Variants in C2 observed in about 807,000 individuals in gnomAD.
C2 encodes the protein C3/C5 convertase.
Under a neutral mutation model 85.2 loss-of-function variants are expected in C2, and 64 were observed. That is an observed-to-expected ratio of 0.75 (90% CI 0.61 to 0.92). The LOEUF is 0.92. Among genes scored for constraint, C2 ranks in the 40% least tolerant of loss-of-function variants. The pLI, the probability that C2 is intolerant of heterozygous loss-of-function variation, is 0.00. For synonymous variants in C2, 311 were observed against 370.8 expected, an observed-to-expected ratio of 0.84 and a Z score of 1.85; for missense variants, 820 against 971.6, an observed-to-expected ratio of 0.84 and a Z score of 2.07.
chr6:31,940,732 C>T (rs774830835), intron 9 of C2, among the ~76,000 whole-genome samples: 69 of 152,124 alleles, frequency 4.5e-4, no homozygotes, highest in Non-Finnish European at 7.6e-4. Flanking sequence ...AGGTCAAATG[C>T]TACAAAAACA....
At chr6:31,903,998 C>T (rs1351809891) in intron 1 of C2, among the ~76,000 whole-genome samples, 1 of 151,894 alleles carries the variant, frequency 6.6e-6, no homozygotes, top group Non-Finnish European at 1.5e-5. Context: ...TGAGCCTACT[C>T]TGGCTCAGAA....
chr6:31,937,150 A>T (rs1445082140), intron 7 of C2, 169 bp from the exon 8 acceptor site: 1 of 633,596 alleles, frequency 1.6e-6, no homozygotes, highest in Non-Finnish European at 2.8e-6. Context: ...TGGAGGTTGC[A>T]GTCAGCCAAG....
In C2 at chr6:31,928,843, T is replaced by A. The variant is rs781590273; in HGVS notation, c.368T>A (p.Leu123Ter). 1 of 1,614,262 alleles carries A rather than the reference T, an allele frequency of 6.2e-7. No individual in the cohort carries two copies. Among genetic ancestry groups the A allele is most frequent in the South Asian group, 1.1e-5 (1 of 91,090 alleles). ...TTCGAGTGTGAGGATGGCTTCATAT[T>A]GCGGGGCTCGCCTGTGCGTCAGTGT... ...VSFECEDGFI[L>*]RGSPVRQCRP... is the part of the protein sequence containing the mutation. The change falls in exon 3 of 18, where the codon TTG becomes TAG. Residue 123 changes from leucine to a stop codon, truncating the protein, a stop_gained. Transcript: ENST00000299367. LOFTEE classifies it high-confidence loss of function.
chr6:31,913,481 C>T (rs1768265305), intron 1 of C2, among the ~76,000 whole-genome samples: 1 of 152,234 alleles, frequency 6.6e-6, no homozygotes, highest in South Asian at 2.1e-4. Context: ...GAGGCTGAGG[C>T]ACAAGAATCA....
upstream of C2, among the ~76,000 whole-genome samples, chr6:31,923,781 A>C (rs1246694927): frequency 4.1e-5 from 5 of 121,578 alleles, no homozygotes; most frequent in Admixed American, 3.4e-4. Flanking sequence ...AAGCCACCGC[A>C]CCCGGCCTCT....
chr6:31,929,547 C>T (rs1205241082), intron 3 of C2, among the ~76,000 whole-genome samples: 6 of 151,316 alleles, frequency 4.0e-5, no homozygotes, highest in Non-Finnish European at 8.8e-5. Context: ...GGTGAAACCC[C>T]GTCTCTAGTA....
intron 3 of C2, among the ~76,000 whole-genome samples, chr6:31,933,041 G>T (rs1009312199): frequency 6.0e-4 from 92 of 152,340 alleles, no homozygotes; most frequent in African/African-American, 2.2e-3. Context: ...AGGCAGGGAG[G>T]TTGCAGTGAG....
In C2 at chr6:31,928,722, C is replaced by T. The variant is rs1401389832; in HGVS notation, c.257-10C>T. ...GTCCTATATTCCCCACCCACTTCCT[C>T]TCTCTCCAGCTGTGCGCTGTCCAGC... is the stretch of plus-strand genomic sequence containing the variant. On this transcript the variant is annotated splice_polypyrimidine_tract_variant and intron_variant, in intron 2 of 17. Coordinates refer to ENST00000299367, the MANE Select transcript of C2 (RefSeq NM_000063.6). 1.2e-6 allele frequency: 2 copies of T among 1,614,184 alleles called. No homozygotes were observed. Among genetic ancestry groups the T allele is most frequent in the Non-Finnish European group, 1.7e-6 (2 of 1,179,990 alleles).
At chr6:31,905,819 A>G (rs552880475) in intron 1 of C2, among the ~76,000 whole-genome samples, 39 of 152,050 alleles carry the variant, frequency 2.6e-4, no homozygotes, top group African/African-American at 9.4e-4. Context: ...CTTACTTTGA[A>G]AAGGGGTGTT....
chr6:31,901,281 G>A (rs1475509220), intron 1 of C2: 5 of 1,611,968 alleles, frequency 3.1e-6, no homozygotes, highest in Non-Finnish European at 8.5e-7. Context: ...AGCTGGAAGC[G>A]CAGGACTTCC....
rs1205958641 is a variant in C2 at position 31,943,319 on chromosome 6, G to C, written c.1455G>C (p.Lys485Asn). ...GGACACCCTGGCATGTCACTATTAAGGTACCAGGAAGGAGGGGCAGGGCTT... is the reference window on the plus strand; with the variant it reads ...GGACACCCTGGCATGTCACTATTAACGTACCAGGAAGGAGGGGCAGGGCTT... ...QERTPWHVTI[K>N]PKSQETCRGA... The change falls in exon 11 of 18, where the codon AAG becomes AAC. Residue 485 changes from lysine to asparagine, a missense_variant and splice_region_variant. Coordinates refer to ENST00000299367, the MANE Select transcript of C2 (RefSeq NM_000063.6). The surrounding 1 kb of genome is among the most constrained non-coding windows in gnomAD (Gnocchi z 6.4). 6.2e-7 allele frequency: 1 copy of C among 1,612,700 alleles called. No homozygotes were observed. Among genetic ancestry groups the C allele is most frequent in the Non-Finnish European group, 8.5e-7 (1 of 1,179,654 alleles).
Position 31,927,751 on chromosome 6 carries a change from C to T in C2, c.-2C>T. ...CCTCTCGCCGCCCCTAGGGAGGACA[C>T]CATGGGCCCACTGATGGTTCTTTTT... On this transcript the variant is annotated 5_prime_UTR_variant, in exon 1 of 18. Transcript: ENST00000299367. The surrounding 1 kb of genome is among the most constrained non-coding windows in gnomAD (Gnocchi z 4.7). The T allele has an allele frequency of 6.2e-7, 1 of 1,613,210 alleles. No individual in the cohort carries two copies. The highest frequency in any genetic ancestry group is 8.5e-7 in the Non-Finnish European group (1 of 1,180,016).
In C2 at chr6:31,935,166, T is replaced by C. The variant is rs1770303142; in HGVS notation, c.850-757T>C. 1 of 671,298 alleles carries C rather than the reference T, an allele frequency of 1.5e-6. No homozygotes were observed. The highest frequency in any genetic ancestry group is 6.3e-5 in the Admixed American group (1 of 15,860). 41.6% of individuals were successfully genotyped at this position (671,298 alleles called of 1,614,324 possible). A position where few individuals can be genotyped will look rare whatever the true frequency, so the allele number is the denominator to read the frequency against. On this transcript the variant is annotated intron_variant, in intron 6 of 17. Transcript: ENST00000299367. This position sits in a 1 kb window ranked among gnomAD's most constrained non-coding sequence, Gnocchi z 4.3. ...GATGGTTTTCCCTCCCAGCTACATT[T>C]TAAAGAGGGCAGTTTCTGTGCTCTC...
intron 9 of C2, 71 bp downstream of exon 9, chr6:31,939,391 C>T (rs653414): frequency 0.098 from 114,074 of 1,165,044 alleles, 6,569 homozygotes; most frequent in African/African-American, 0.19. Context: ...GCCAGGGATC[C>T]CAGCATCTTA....
intron 1 of C2, chr6:31,901,377 C>G (rs45575537): frequency 0.032 from 47,098 of 1,490,448 alleles, 946 homozygotes; most frequent in Non-Finnish European, 0.039. Context: ...TCTCCGAAGC[C>G]AAGGCTCCAG....
intron 1 of C2, among the ~76,000 whole-genome samples, chr6:31,901,614 G>A (rs1278188300): frequency 1.3e-5 from 2 of 151,826 alleles, no homozygotes; most frequent in Non-Finnish European, 2.9e-5. Flanking sequence ...GGGGGCCAGA[G>A]GCCTGGGGCT....
Position 31,928,826 on chromosome 6 carries a change from T to C in C2, c.351T>C (p.Cys117=). 6.2e-7 allele frequency: 1 copy of C among 1,614,208 alleles called. No homozygotes were observed. Among genetic ancestry groups the C allele is most frequent in the Non-Finnish European group, 8.5e-7 (1 of 1,180,024 alleles). ...YPVGGNVSFE[C]EDGFILRGSP... ...TGGGTGGCAATGTGAGCTTCGAGTG[T>C]GAGGATGGCTTCATATTGCGGGGCT... The change falls in exon 3 of 18, where the codon TGT becomes TGC. Residue 117 remains cysteine, a synonymous_variant. Transcript: ENST00000299367.
At chr6:31,900,660 C>T (rs1299666713), upstream of C2, 1 of 1,612,626 alleles carries the variant, frequency 6.2e-7, no homozygotes, top group African/African-American at 1.3e-5. This position sits in a 1 kb window ranked among gnomAD's most constrained non-coding sequence, Gnocchi z 9.7. Flanking sequence ...ACCTCCAGGG[C>T]CGACTCCACC....
chr6:31,935,797 C>T lies in C2; in HGVS notation c.850-126C>T. 1 of 1,055,176 alleles carries T rather than the reference C, an allele frequency of 9.5e-7. No individual in the cohort carries two copies. The highest frequency in any genetic ancestry group is 1.5e-6 in the Non-Finnish European group (1 of 688,086). The allele number at this position is 1,055,176 out of a possible 1,614,324, so 65.4% of individuals were successfully genotyped here. A position where few individuals can be genotyped will look rare whatever the true frequency, so the allele number is the denominator to read the frequency against. On this transcript the variant is annotated intron_variant, in intron 6 of 17. Coordinates refer to ENST00000299367, the MANE Select transcript of C2 (RefSeq NM_000063.6). The surrounding 1 kb of genome is among the most constrained non-coding windows in gnomAD (Gnocchi z 4.3). The stretch of plus-strand genomic sequence containing the variant: ...TAACAGCCATTTCCTAGTGTCTCCC[C>T]TGGTCCTTGCCTCTGTCGGTCTCAC...
Sources: allele counts gnomAD v4.1 joint callset (sites outside exome capture counted in the v4.1 genomes callset), GRCh38; gene constraint gnomAD v4.1.1; non-coding constraint Gnocchi (gnomAD v3.1); transcripts MANE v1.5; gene names NCBI Gene and HGNC (gene_info 2026-07-23, HGNC 2026-07-21).